Variants in CFAP54 observed in about 807,000 individuals in gnomAD.
The protein encoded by CFAP54 is cilia- and flagella-associated protein 54.
A neutral mutation model predicts 370.4 loss-of-function variants in CFAP54; 290 were observed. The ratio of observed to expected loss-of-function variants is 0.78; its 90% CI spans 0.71 to 0.86. The LOEUF is 0.86. CFAP54 is among the 40% of genes least tolerant of loss of function. The probability of loss-of-function intolerance (pLI) is 0.00; values close to 1 mark genes in which losing one functional copy is unlikely to be tolerated. For missense variants in CFAP54, 3,399 were observed against 3,528.7 expected (o/e 0.96, Z 0.93); for synonymous variants, 1,206 against 1,236.5 (o/e 0.98, Z 0.52).
intron 8 of CFAP54, among the ~76,000 whole-genome samples, chr12:96,526,885 G>GC (rs1955387737): frequency 1.0e-5 from 1 of 97,688 alleles, no homozygotes; most frequent in East Asian, 3.0e-4. Flanking sequence ...CTTATAACAG[G>GC]TTTTTTTTTT....
intron 6 of CFAP54, among the ~76,000 whole-genome samples, chr12:96,520,498 G>A (rs1346284985): frequency 6.6e-6 from 1 of 152,086 alleles, no homozygotes; most frequent in African/African-American, 2.4e-5. Context: ...GGCAACAAGA[G>A]TGAAACTCCA....
At chr12:96,647,562 T>C (rs1956810448) in intron 33 of CFAP54, among the ~76,000 whole-genome samples, 1 of 148,004 alleles carries the variant, frequency 6.8e-6, no homozygotes, top group Non-Finnish European at 1.5e-5. Context: ...TCTGTTCAAA[T>C]CAGGTGGTTT....
In CFAP54 at chr12:96,718,467, G is replaced by C. The variant is rs763615806; in HGVS notation, c.6749G>C (p.Ser2250Thr). 6.4e-7 allele frequency: 1 copy of C among 1,570,206 alleles called. No homozygotes were observed. Among genetic ancestry groups the C allele is most frequent in the South Asian group, 1.1e-5 (1 of 89,862 alleles). Residue 2250 changes from serine (S) to threonine (T), a missense_variant, in exon 49 of 68, where the codon AGT becomes ACT. Physicochemically the swap from Ser to Thr is moderately conservative, Grantham distance 58. This residue lies in a region of CFAP54 where 2,796 missense variants were observed against 2,869.7 expected (regional missense o/e 0.97). Coordinates refer to ENST00000524981, the MANE Select transcript of CFAP54 (RefSeq NM_001306084.2). ...GAGATATATTCAAAGGATGATGGAA[G>C]TTCATTTTATAATCTTACAAAACTT... ...LEEIYSKDDGSSFYNLTKLKD... is the reference protein window; with the variant it reads ...LEEIYSKDDGTSFYNLTKLKD...
At chr12:96,640,506 T>A (rs893502862) in intron 32 of CFAP54, among the ~76,000 whole-genome samples, 5 of 152,200 alleles carry the variant, frequency 3.3e-5, no homozygotes, top group African/African-American at 1.2e-4. Flanking sequence ...CTGCCCAAGG[T>A]AATTTATAGA....
In CFAP54 at chr12:96,644,446, T is replaced by G. The variant is rs999686197; in HGVS notation, c.4547+38T>G. ...ACTGATGAAAAATACTTTTTTAGTT[T>G]CATGAACATGGATTGTATTTGTATG... is the stretch of plus-strand genomic sequence containing the variant. On this transcript the variant is annotated intron_variant, in intron 33 of 67. Transcript: ENST00000524981. 1.1e-5 allele frequency: 15 copies of G among 1,358,222 alleles called. No individual in the cohort carries two copies. The Admixed American group carries it at 2.4e-4, about 22-fold the overall frequency. 84.1% of individuals were successfully genotyped at this position (1,358,222 alleles called of 1,614,324 possible). A position where few individuals can be genotyped will look rare whatever the true frequency, so the allele number is the denominator to read the frequency against.
intron 63 of CFAP54, among the ~76,000 whole-genome samples, chr12:96,810,000 T>C (rs1328775777): frequency 6.6e-6 from 1 of 152,156 alleles, no homozygotes; most frequent in Non-Finnish European, 1.5e-5. Flanking sequence ...AGATCCTCTC[T>C]GATTTAACAT....
Position 96,489,778 on chromosome 12 carries a change from C to A in CFAP54, c.169C>A (p.Pro57Thr). 6.5e-7 allele frequency: 1 copy of A among 1,536,116 alleles called. No individual in the cohort carries two copies. The highest frequency in any genetic ancestry group is 2.4e-5 in the East Asian group (1 of 40,916). ...GTGGACCTGCCCCGAGGACTCATTG[C>A]CCCTAGCCGTGTTTTATGGGCCGCT... Reference protein sequence around the residue: ...LQWTCPEDSLPLAVFYGPLDA... With the variant: ...LQWTCPEDSLTLAVFYGPLDA... Residue 57 changes from proline (P) to threonine (T), a missense_variant, in exon 1 of 68, where the codon CCC becomes ACC. This residue lies in a region of CFAP54 where 559 missense variants were observed against 576.7 expected (regional missense o/e 0.97). Coordinates refer to ENST00000524981, the MANE Select transcript of CFAP54 (RefSeq NM_001306084.2).
chr12:96,838,606 C>T (rs1020296446), intron 66 of CFAP54, among the ~76,000 whole-genome samples: 5 of 152,028 alleles, frequency 3.3e-5, no homozygotes, highest in African/African-American at 4.8e-5. Context: ...CTCATGAGAA[C>T]TCACTCACTA....
At chr12:96,759,820 A>G (rs746187271) in intron 58 of CFAP54, among the ~76,000 whole-genome samples, 31 of 152,212 alleles carry the variant, frequency 2.0e-4, no homozygotes, top group Admixed American at 4.6e-4. Context: ...TGAGAATTAA[A>G]CAAGATAATG....
rs1192701390 is a variant in CFAP54 at position 96,538,419 on chromosome 12, G to A, written c.1827G>A (p.Thr609=). The change falls in exon 13 of 68, where the codon ACG becomes ACA. Residue 609 remains threonine (T), a synonymous_variant. Transcript: ENST00000524981. ...VQPDKEIVVD[T]IMFLWQKCKL... is the part of the protein sequence containing the mutation. ...CTGATAAAGAAATTGTTGTGGACAC[G>A]ATAATGTTCCTATGGCAGAAATGCA... 10 of 1,535,666 alleles carry A rather than the reference G, an allele frequency of 6.5e-6. No individual in the cohort carries two copies. The highest frequency in any genetic ancestry group is 1.7e-4 in the Middle Eastern group (1 of 5,984).
chr12:96,845,335 T>C (rs942667550), intron 66 of CFAP54, among the ~76,000 whole-genome samples: 4 of 152,226 alleles, frequency 2.6e-5, no homozygotes, highest in Admixed American at 2.0e-4. Context: ...AATTAAATCT[T>C]CATGCCTGTC....
Position 96,684,634 on chromosome 12 carries a change from G to T in CFAP54, c.5717-14G>T. 2 of 1,589,546 alleles carry T rather than the reference G, an allele frequency of 1.3e-6. No homozygotes were observed. Among genetic ancestry groups the T allele is most frequent in the East Asian group, 2.2e-5 (1 of 44,742 alleles). ...GGAACTGACATTTGTTCTTTTACTTGATTAAAAATATAGATGTTCTCCAAG... is the reference window on the plus strand; with the variant it reads ...GGAACTGACATTTGTTCTTTTACTTTATTAAAAATATAGATGTTCTCCAAG... On this transcript the variant is annotated splice_polypyrimidine_tract_variant and intron_variant, in intron 40 of 67. Coordinates refer to ENST00000524981, the MANE Select transcript of CFAP54 (RefSeq NM_001306084.2).
intron 56 of CFAP54, among the ~76,000 whole-genome samples, chr12:96,754,453 A>T (rs1295016692): frequency 6.6e-6 from 1 of 152,190 alleles, no homozygotes; most frequent in Non-Finnish European, 1.5e-5. Flanking sequence ...ATTAAATGCT[A>T]GGTGCTGTAT....
intron 45 of CFAP54, among the ~76,000 whole-genome samples, chr12:96,699,221 A>G (rs1957466902): frequency 6.6e-6 from 1 of 152,180 alleles, no homozygotes; most frequent in Non-Finnish European, 1.5e-5. Flanking sequence ...GCGGACAGCC[A>G]ATTTCCTATC....
At chr12:96,526,533 A>T (rs1021658033) in intron 8 of CFAP54, among the ~76,000 whole-genome samples, 2 of 152,238 alleles carry the variant, frequency 1.3e-5, no homozygotes, top group African/African-American at 4.8e-5. Flanking sequence ...GTGTCCAGAC[A>T]CACAAAATCT....
chr12:96,805,674 A>G (rs1958870389), intron 63 of CFAP54, among the ~76,000 whole-genome samples: 1 of 152,150 alleles, frequency 6.6e-6, no homozygotes, highest in Admixed American at 6.6e-5. Context: ...TATGGAAAAA[A>G]GTAGAGAGAT....
At chr12:96,550,420 C>T (rs1174012266) in intron 15 of CFAP54, among the ~76,000 whole-genome samples, 1 of 151,900 alleles carries the variant, frequency 6.6e-6, no homozygotes, top group East Asian at 1.9e-4. Context: ...TTACTAAAAA[C>T]ACAAAAATTA....
chr12:96,677,899 G>C (rs1957229382), intron 39 of CFAP54, among the ~76,000 whole-genome samples: 1 of 152,078 alleles, frequency 6.6e-6, no homozygotes, highest in East Asian at 1.9e-4. Flanking sequence ...GGACCTCCCT[G>C]CTCCCTGGGC....
chr12:96,821,722 G>C (rs79598859), intron 65 of CFAP54, among the ~76,000 whole-genome samples: 1 of 117,880 alleles, frequency 8.5e-6, no homozygotes, highest in African/African-American at 3.2e-5. Context: ...AAAAAAAAAA[G>C]CTCGATTCTG....
Sources: gnomAD v4.1 joint callset for allele counts (sites outside exome capture counted in the v4.1 genomes callset) on GRCh38, gnomAD v4.1.1 for gene constraint, gnomAD v4.1.1 regional missense constraint, MANE v1.5 for transcripts, NCBI Gene and HGNC (gene_info 2026-07-23, HGNC 2026-07-21) for gene names.